MDFIC: variants seen among roughly 807,000 people sequenced by gnomAD.
MDFIC encodes MyoD family inhibitor domain containing.
In MDFIC, 17 loss-of-function variants were observed where a neutral mutation model predicts 23.2. The ratio of observed to expected loss-of-function variants is 0.73; its 90% confidence interval spans 0.50 to 1.10. The LOEUF is 1.10. MDFIC is among the 50% of genes least tolerant of loss of function. The probability of loss-of-function intolerance (pLI) is 0.00; values close to 1 mark genes in which losing one functional copy is unlikely to be tolerated. For synonymous variants in MDFIC, 120 were observed against 115.2 expected (o/e 1.04, Z -0.27); for missense variants, 356 against 316.6 (o/e 1.12, Z -0.95).
At chr7:114,968,947 T>C (rs980066578) in intron 3 of MDFIC, among the ~76,000 whole-genome samples, 1 of 152,218 alleles carries the variant, frequency 6.6e-6, no homozygotes, top group South Asian at 2.1e-4. Context: ...GAACTTCATT[T>C]GCATTCCCAC....
At chr7:114,985,439 G>A (rs1381654452) in intron 4 of MDFIC, among the ~76,000 whole-genome samples, 1 of 152,034 alleles carries the variant, frequency 6.6e-6, no homozygotes, top group Non-Finnish European at 1.5e-5. Context: ...GGCATTCAAG[G>A]CCAAAGGATT....
chr7:114,961,618 G>A (rs1235171802), intron 3 of MDFIC, among the ~76,000 whole-genome samples: 1 of 152,152 alleles, frequency 6.6e-6, no homozygotes, highest in Non-Finnish European at 1.5e-5. Flanking sequence ...TGTACAGAAA[G>A]CACTGCTGGG....
intron 4 of MDFIC, among the ~76,000 whole-genome samples, chr7:114,991,166 C>T (rs1791149857): frequency 6.6e-6 from 1 of 152,156 alleles, no homozygotes; most frequent in African/African-American, 2.4e-5. Flanking sequence ...AGTGTCTGTT[C>T]ATCTCCTTCG....
chr7:114,974,928 T>C (rs923911775), intron 3 of MDFIC, among the ~76,000 whole-genome samples: 1 of 152,084 alleles, frequency 6.6e-6, no homozygotes, highest in Non-Finnish European at 1.5e-5. Flanking sequence ...ATGTTTTTTT[T>C]TTTTAATCTT....
chr7:114,973,400 A>G (rs553439478), intron 3 of MDFIC, among the ~76,000 whole-genome samples: 9 of 152,262 alleles, frequency 5.9e-5, no homozygotes, highest in African/African-American at 2.2e-4. Flanking sequence ...TGCAAAAAAC[A>G]AAGTATAGAG....
chr7:114,979,764 C>T lies in MDFIC; in HGVS notation c.476C>T (p.Thr159Ile). 1 of 1,613,750 alleles carries T rather than the reference C, an allele frequency of 6.2e-7. No homozygotes were observed. The highest frequency in any genetic ancestry group is 8.5e-7 in the Non-Finnish European group (1 of 1,179,696). The change falls in exon 4 of 5, where the codon ACA becomes ATA. Residue 159 changes from threonine (T) to isoleucine (I), a missense_variant. Thr to Ile is a moderately conservative substitution (Grantham distance 89). Coordinates refer to ENST00000393486, the MANE Select transcript of MDFIC (RefSeq NM_001166345.3). The part of the protein sequence containing the change: ...SKVNAVFSQK[T>I]GSSPEDCCVH... ...GTAAATGCTGTCTTTTCCCAAAAGA[C>T]AGGCTCTTCACCTGAAGGTAAGTTT...
At chr7:114,954,794 G>C (rs959275225) in intron 3 of MDFIC, among the ~76,000 whole-genome samples, 4 of 152,116 alleles carry the variant, frequency 2.6e-5, no homozygotes, top group African/African-American at 9.7e-5. Flanking sequence ...GTAGTGTTTT[G>C]AGACTGATAG....
Position 115,016,007 on chromosome 7 carries a change from T to G in MDFIC, c.*72T>G. 1 of 1,434,800 alleles carries G rather than the reference T, an allele frequency of 7.0e-7. No individual in the cohort carries two copies. Among genetic ancestry groups the G allele is most frequent in the Non-Finnish European group, 9.5e-7 (1 of 1,054,310 alleles). The allele number at this position is 1,434,800 out of a possible 1,614,324, so 88.9% of individuals were successfully genotyped here. A position where few individuals can be genotyped will look rare whatever the true frequency, so the allele number is the denominator to read the frequency against. ...TCCTTTTGGGGGGAAGAAAAGCACA[T>G]TGTAAGATTCTCATGAAACAACATG... On this transcript the variant is annotated 3_prime_UTR_variant, in exon 5 of 5. Transcript: ENST00000393486.
intron 3 of MDFIC, among the ~76,000 whole-genome samples, chr7:114,973,510 T>A (rs1793249283): frequency 6.6e-6 from 1 of 152,104 alleles, no homozygotes; most frequent in East Asian, 1.9e-4. Context: ...TGAACCTAAC[T>A]GCAAGGGAAA....
chr7:115,015,680 A>C lies in MDFIC; in HGVS notation c.494-8A>C. ...CACTATATGGTCTCCTCATCACTGA[A>C]AATGAAGATTGTTGTGTCCACTGTA... On this transcript the variant is annotated splice_polypyrimidine_tract_variant and splice_region_variant and intron_variant, in intron 4 of 4. Transcript: ENST00000393486. 1 of 1,613,198 alleles carries C rather than the reference A, an allele frequency of 6.2e-7. No homozygotes were observed.
intron 3 of MDFIC, among the ~76,000 whole-genome samples, chr7:114,943,814 A>C (rs1257237764): frequency 6.7e-6 from 1 of 150,168 alleles, no homozygotes; most frequent in East Asian, 1.9e-4. Context: ...TGGTTTTCTC[A>C]CTTTTTTTTC....
intron 2 of MDFIC, among the ~76,000 whole-genome samples, chr7:114,940,738 T>C (rs561683204): frequency 6.6e-6 from 1 of 152,300 alleles, no homozygotes; most frequent in East Asian, 1.9e-4. Flanking sequence ...TGTATCCTCA[T>C]CACCTAGCAC....
chr7:114,935,532 G>T (rs199641271), intron 2 of MDFIC, among the ~76,000 whole-genome samples: 3 of 149,572 alleles, frequency 2.0e-5, no homozygotes, highest in East Asian at 2.0e-4. Context: ...TTTTCTTTTT[G>T]TTTTTTTTTG....
chr7:114,994,080 A>T (rs1330531177), intron 4 of MDFIC, among the ~76,000 whole-genome samples: 1 of 152,196 alleles, frequency 6.6e-6, no homozygotes, highest in East Asian at 1.9e-4. Context: ...TTCTTGTTGA[A>T]TTGATCCCTT....
At chr7:114,986,953 TAGG>T (rs1793526232) in intron 4 of MDFIC, among the ~76,000 whole-genome samples, 1 of 152,206 alleles carries the variant, frequency 6.6e-6, no homozygotes, top group Admixed American at 6.5e-5. Context: ...AAAAGTGAGT[TAGG>T]AGTGTCAACT....
chr7:114,952,807 C>T (rs540394471), intron 3 of MDFIC, among the ~76,000 whole-genome samples: 2 of 152,280 alleles, frequency 1.3e-5, no homozygotes, highest in South Asian at 4.1e-4. Context: ...CCATCATTCC[C>T]TGTCTTTATG....
Position 115,018,018 on chromosome 7 carries a change from C to A in MDFIC, c.*2083C>A, listed in dbSNP as rs772629404. ...GAAAAAACTTAGCAAACTTTTGAAT[C>A]TTTCTTTTATTGCTATTTACACATA... On this transcript the variant is annotated 3_prime_UTR_variant, in exon 5 of 5. Transcript: ENST00000393486. 2 of 151,930 alleles carry A rather than the reference C, an allele frequency of 1.3e-5. No homozygotes were observed. The highest frequency in any genetic ancestry group is 2.4e-5 in the African/African-American group (1 of 41,430). The allele number at this position is 151,930 out of a possible 1,614,324, so 9.4% of individuals were successfully genotyped here.
chr7:114,922,976 C>A lies in MDFIC; in HGVS notation c.-58C>A, dbSNP rs1165682354. The A allele has an allele frequency of 1.3e-6, 2 of 1,546,658 alleles. No homozygotes were observed. The highest frequency in any genetic ancestry group is 2.7e-5 in the East Asian group (1 of 37,602). On this transcript the variant is annotated 5_prime_UTR_variant, in exon 2 of 5. Coordinates refer to ENST00000393486, the MANE Select transcript of MDFIC (RefSeq NM_001166345.3). ...CACCTCACAGCCCTTCCTCCGTGCGCCCTGCCGGGCGGCGAGCTAGGCGGC... is the reference window on the plus strand; with the variant it reads ...CACCTCACAGCCCTTCCTCCGTGCGACCTGCCGGGCGGCGAGCTAGGCGGC...
At chr7:114,926,424 T>G (rs562327862) in intron 2 of MDFIC, among the ~76,000 whole-genome samples, 1 of 152,290 alleles carries the variant, frequency 6.6e-6, no homozygotes, top group South Asian at 2.1e-4. Flanking sequence ...CAGTTCAACT[T>G]TTTTATAGGG....
Sources: allele counts gnomAD v4.1 joint callset (sites outside exome capture counted in the v4.1 genomes callset), GRCh38; gene constraint gnomAD v4.1.1; transcripts MANE v1.5; gene names NCBI Gene and HGNC (gene_info 2026-07-23, HGNC 2026-07-21).